NXPE2: variants seen among roughly 807,000 people sequenced by gnomAD.
NXPE2 encodes NXPE family member 2.
Under a neutral mutation model 34.4 loss-of-function variants are expected in NXPE2, and 34 were observed. The observed-to-expected ratio is 0.99, with a 90% CI of 0.75 to 1.31. NXPE2 has a LOEUF of 1.31. Ranked by LOEUF, NXPE2 falls within the 40% of genes most tolerant of loss-of-function variation. NXPE2 has a pLI of 0.00. For missense variants in NXPE2, 649 were observed against 672.5 expected (o/e 0.97, Z 0.39); for synonymous variants, 235 against 231.3 (o/e 1.02, Z -0.15).
chr11:114,706,004 T>TGTA lies in NXPE2; in HGVS notation c.1144+8_1144+9insGTA. ...TACAAAAAGCTGTGAAAAGTATGTA[T>TGTA]TTAATTTATATTTTGAAATTCTATT... On this transcript the variant is annotated intron_variant, in intron 5 of 5. Coordinates refer to ENST00000389586, the MANE Select transcript of NXPE2 (RefSeq NM_182495.6). The TGTA allele has an allele frequency of 1.6e-6, 2 of 1,234,898 alleles. No individual in the cohort carries two copies. The highest frequency in any genetic ancestry group is 3.1e-5 in the African/African-American group (2 of 63,930). 76.5% of individuals were successfully genotyped at this position (1,234,898 alleles called of 1,614,324 possible).
Position 114,686,684 on chromosome 11 carries a change from A to G in NXPE2, c.132+6922A>G, listed in dbSNP as rs567092407. Among the ~76,000 whole-genome samples the G allele has an allele frequency of 3.1e-4, 47 of 152,252 alleles. No homozygotes were observed. The Middle Eastern group carries it at 0.01, about 33-fold the overall frequency. ...GCAATTATATTTTTAGTTATTTGAG[A>G]AATCTTCAAACTGCTTTTCACAATG... is the stretch of plus-strand genomic sequence containing the variant. On this transcript the variant is annotated intron_variant, in intron 2 of 5. Coordinates refer to ENST00000389586, the MANE Select transcript of NXPE2 (RefSeq NM_182495.6).
chr11:114,782,926 C>T, the NXPE2 span, among the ~76,000 whole-genome samples: 6 of 152,180 alleles, frequency 3.9e-5, no homozygotes, highest in African/African-American at 1.4e-4. Context: ...AAGATCTTAG[C>T]CTGTGGACAG....
the NXPE2 span, among the ~76,000 whole-genome samples, chr11:114,507,721 A>T: frequency 6.6e-6 from 1 of 152,150 alleles, no homozygotes; most frequent in Non-Finnish European, 1.5e-5. Flanking sequence ...ACTCTCAGCA[A>T]ACTAGATATT....
At chr11:114,735,185 T>C in the NXPE2 span, among the ~76,000 whole-genome samples, 1 of 152,200 alleles carries the variant, frequency 6.6e-6, no homozygotes, top group South Asian at 2.1e-4. Flanking sequence ...TTAGCATTTC[T>C]AAAAGCAGGG....
the NXPE2 span, among the ~76,000 whole-genome samples, chr11:114,469,606 C>T: frequency 6.6e-6 from 1 of 151,878 alleles, no homozygotes; most frequent in African/African-American, 2.4e-5. Flanking sequence ...TCTCTTGCCT[C>T]AGCCTCCTGA....
chr11:114,625,444 T>C, the NXPE2 span, among the ~76,000 whole-genome samples: 3 of 152,126 alleles, frequency 2.0e-5, no homozygotes, highest in Non-Finnish European at 2.9e-5. Context: ...ATAATAAGTA[T>C]TGCCTCTTGG....
At chr11:114,606,712 C>T in the NXPE2 span, among the ~76,000 whole-genome samples, 1 of 150,370 alleles carries the variant, frequency 6.7e-6, no homozygotes, top group African/African-American at 2.4e-5. Flanking sequence ...GTAATAAGGA[C>T]TGTCTCATGG....
chr11:114,513,777 TAAG>T, the NXPE2 span, among the ~76,000 whole-genome samples: 1 of 152,216 alleles, frequency 6.6e-6, no homozygotes, highest in South Asian at 2.1e-4. Context: ...AAGTAATTAT[TAAG>T]AAATATTACA....
the NXPE2 span, among the ~76,000 whole-genome samples, chr11:114,464,313 G>A: frequency 5.5e-4 from 84 of 151,758 alleles, no homozygotes; most frequent in African/African-American, 1.8e-3. Context: ...GGGTCTTGGC[G>A]TGTTGCCCAG....
downstream of NXPE2, among the ~76,000 whole-genome samples, chr11:114,709,034 A>T (rs1250525538): frequency 6.6e-6 from 1 of 152,212 alleles, no homozygotes; most frequent in Non-Finnish European, 1.5e-5. Context: ...AATGTGATCC[A>T]TTAGCCCCTA....
chr11:114,578,607 T>C, the NXPE2 span, among the ~76,000 whole-genome samples: 4 of 152,196 alleles, frequency 2.6e-5, no homozygotes, highest in Non-Finnish European at 5.9e-5. Flanking sequence ...TTGGATCAAC[T>C]TTCCTTCTAA....
the NXPE2 span, among the ~76,000 whole-genome samples, chr11:114,542,767 A>G: frequency 6.6e-6 from 1 of 152,222 alleles, no homozygotes; most frequent in Non-Finnish European, 1.5e-5. Context: ...GAAGGGTTAT[A>G]TAATGGATTA....
the NXPE2 span, among the ~76,000 whole-genome samples, chr11:114,575,042 G>A: frequency 7.2e-5 from 11 of 151,946 alleles, no homozygotes; most frequent in East Asian, 3.9e-4. Context: ...CTTAACATAC[G>A]TAAGTCAATA....
the NXPE2 span, among the ~76,000 whole-genome samples, chr11:114,644,975 T>C: frequency 6.6e-6 from 1 of 151,288 alleles, no homozygotes; most frequent in Non-Finnish European, 1.5e-5. Context: ...TGAAAAAGCA[T>C]AAACACTTAA....
At chr11:114,801,065 C>CTG in the NXPE2 span, among the ~76,000 whole-genome samples, 1 of 151,642 alleles carries the variant, frequency 6.6e-6, no homozygotes, top group Non-Finnish European at 1.5e-5. Flanking sequence ...ATTCAACAAA[C>CTG]ACTGAGCACT....
chr11:114,801,935 T>C, the NXPE2 span, among the ~76,000 whole-genome samples: 1 of 152,236 alleles, frequency 6.6e-6, no homozygotes, highest in African/African-American at 2.4e-5. Context: ...GCATTGTTGA[T>C]CAGGCAGCCA....
chr11:114,663,375 A>G, the NXPE2 span, among the ~76,000 whole-genome samples: 1 of 152,122 alleles, frequency 6.6e-6, no homozygotes, highest in South Asian at 2.1e-4. Flanking sequence ...TTCCTGTTCA[A>G]GAGTTAGGAC....
At chr11:114,536,643 A>G in the NXPE2 span, among the ~76,000 whole-genome samples, 1 of 152,260 alleles carries the variant, frequency 6.6e-6, no homozygotes, top group Non-Finnish European at 1.5e-5. Context: ...ATCAGAGAAT[A>G]CTATAAGCAC....
chr11:114,618,951 G>T, the NXPE2 span, among the ~76,000 whole-genome samples: 2 of 151,864 alleles, frequency 1.3e-5, no homozygotes, highest in South Asian at 4.2e-4. Flanking sequence ...ATAATAAGTA[G>T]TACCGCATGG....
Sources: gnomAD v4.1 joint callset for allele counts (sites outside exome capture counted in the v4.1 genomes callset) on GRCh38, gnomAD v4.1.1 for gene constraint, MANE v1.5 for transcripts, NCBI Gene and HGNC (gene_info 2026-07-23, HGNC 2026-07-21) for gene names.